The following FBXW7 variants were observed in gnomAD, a reference collection of about 807,000 sequenced individuals.
The protein encoded by FBXW7 is F-box/WD repeat-containing protein 7.
In FBXW7, 11 loss-of-function variants were observed where a neutral mutation model predicts 86.3. That is an observed-to-expected ratio of 0.13 (90% CI 0.08 to 0.21). The LOEUF is 0.21. Ranked by LOEUF, FBXW7 falls within the 10% of genes least tolerant of loss-of-function variation. The pLI is 1.00. For synonymous variants in FBXW7, 313 were observed against 297.9 expected, an observed-to-expected ratio of 1.05 and a Z score of -0.52; for missense variants, 488 against 847.4, an observed-to-expected ratio of 0.58 and a Z score of 5.27.
At chr4:152,372,611 A>C (rs1278257903) in intron 4 of FBXW7, among the ~76,000 whole-genome samples, 1 of 151,900 alleles carries the variant, frequency 6.6e-6, no homozygotes, top group Non-Finnish European at 1.5e-5. Context: ...GGGACTGTGG[A>C]CTTATTTCAC....
intron 2 of FBXW7, among the ~76,000 whole-genome samples, chr4:152,438,958 CATTTGGGCGATG>C (rs1235583802): frequency 5.9e-5 from 9 of 152,206 alleles, no homozygotes; most frequent in Non-Finnish European, 1.3e-4. Context: ...ATTCATTCAT[CATTTGGGCGATG>C]AGGTCAGTAT....
intron 2 of FBXW7, among the ~76,000 whole-genome samples, chr4:152,511,108 G>A (rs930841319): frequency 1.3e-5 from 2 of 151,008 alleles, no homozygotes; most frequent in African/African-American, 4.9e-5. Context: ...AAACTCCTGG[G>A]CCCAAGCCAT....
intron 4 of FBXW7, among the ~76,000 whole-genome samples, chr4:152,393,159 T>C (rs1259005757): frequency 1.3e-5 from 2 of 152,132 alleles, no homozygotes; most frequent in African/African-American, 4.8e-5. Context: ...TGTTCCATAT[T>C]TTCAAAAGAA....
At chr4:152,448,187 G>A (rs573459734) in intron 2 of FBXW7, among the ~76,000 whole-genome samples, 32 of 152,290 alleles carry the variant, frequency 2.1e-4, no homozygotes, top group Middle Eastern at 3.4e-3. Flanking sequence ...ATCCATTAGA[G>A]TGCTCCACAG....
intron 2 of FBXW7, among the ~76,000 whole-genome samples, chr4:152,501,636 T>C (rs1403094153): frequency 6.6e-6 from 1 of 152,198 alleles, no homozygotes; most frequent in Non-Finnish European, 1.5e-5. Context: ...TGAAAATCTT[T>C]CCACAATCCA....
At chr4:152,343,404 C>T (rs1470195859) in intron 6 of FBXW7, among the ~76,000 whole-genome samples, 1 of 152,026 alleles carries the variant, frequency 6.6e-6, no homozygotes, top group Non-Finnish European at 1.5e-5. Flanking sequence ...ATTGAGTCTC[C>T]AATATATTTC....
At chr4:152,501,799 AAC>A (rs1023954164) in intron 2 of FBXW7, among the ~76,000 whole-genome samples, 1 of 152,164 alleles carries the variant, frequency 6.6e-6, no homozygotes, top group Non-Finnish European at 1.5e-5. Context: ...CAAATGATGA[AAC>A]AGTCTTTAGA....
chr4:152,353,703 T>G (rs1026928610), intron 4 of FBXW7, among the ~76,000 whole-genome samples: 2 of 152,214 alleles, frequency 1.3e-5, no homozygotes, highest in Non-Finnish European at 2.9e-5. Context: ...TAAAAAGGCA[T>G]TTTACATAAT....
At chr4:152,358,511 TAAA>T (rs75134488) in intron 4 of FBXW7, among the ~76,000 whole-genome samples, 2 of 120,964 alleles carry the variant, frequency 1.7e-5, no homozygotes, top group African/African-American at 3.1e-5. Flanking sequence ...AGCTAAAGAC[TAAA>T]AAAAAAAAAA....
intron 4 of FBXW7, among the ~76,000 whole-genome samples, chr4:152,381,473 C>G (rs1735068365): frequency 6.6e-6 from 1 of 152,004 alleles, no homozygotes; most frequent in Non-Finnish European, 1.5e-5. Flanking sequence ...ATATATCACT[C>G]TAATAAATAA....
At chr4:152,426,951 A>G (rs1739446120) in intron 2 of FBXW7, among the ~76,000 whole-genome samples, 1 of 152,230 alleles carries the variant, frequency 6.6e-6, no homozygotes, top group Admixed American at 6.5e-5. Context: ...TACAACGGGG[A>G]GCTCTGTAAA....
rs940644156 is a variant in FBXW7, at chr4:152,382,331, G to T, written c.501+28972C>A. 3 of 1,569,090 alleles carry T rather than the reference G, an allele frequency of 1.9e-6. No homozygotes were observed. The African/African-American group carries it at 4.1e-5, about 21-fold the overall frequency. The stretch of plus-strand genomic sequence containing the variant: ...GTTTAGAGTAGGTTTTCCCGGTTTT[G>T]ACATTTTAAAACTCCTCTTGGTTGA... On this transcript the variant is annotated intron_variant, in intron 4 of 13. Coordinates refer to ENST00000281708, the MANE Select transcript of FBXW7 (RefSeq NM_001349798.2).
intron 4 of FBXW7, among the ~76,000 whole-genome samples, chr4:152,366,781 T>C (rs761098731): frequency 6.6e-6 from 1 of 152,210 alleles, no homozygotes; most frequent in East Asian, 1.9e-4. Context: ...ACTGGGTATA[T>C]ACCCAAAGGA....
chr4:152,519,575 A>G (rs1213139357), intron 2 of FBXW7, among the ~76,000 whole-genome samples: 13 of 152,220 alleles, frequency 8.5e-5, no homozygotes, highest in Admixed American at 7.2e-4. Context: ...TACTGCTAAC[A>G]TATCTGGGAC....
intron 2 of FBXW7, among the ~76,000 whole-genome samples, chr4:152,516,286 G>C (rs921431758): frequency 6.6e-6 from 1 of 152,228 alleles, no homozygotes; most frequent in Admixed American, 6.5e-5. Flanking sequence ...GCTGCAGGTG[G>C]AGTATTATCG....
chr4:152,360,548 GTTC>G (rs1035316125), intron 4 of FBXW7, among the ~76,000 whole-genome samples: 1 of 151,922 alleles, frequency 6.6e-6, no homozygotes, highest in African/African-American at 2.4e-5. Flanking sequence ...TTTTCATCTT[GTTC>G]TACCCCAGCC....
At chr4:152,401,478 T>C (rs1056505832) in intron 4 of FBXW7, among the ~76,000 whole-genome samples, 2 of 152,180 alleles carry the variant, frequency 1.3e-5, no homozygotes, top group Admixed American at 6.5e-5. Context: ...TATGACATTC[T>C]GGAAAAAGCA....
intron 4 of FBXW7, among the ~76,000 whole-genome samples, chr4:152,402,380 T>C (rs1351151690): frequency 2.0e-5 from 3 of 152,164 alleles, no homozygotes; most frequent in Non-Finnish European, 1.5e-5. Context: ...AAAAACAAAC[T>C]TAATACGATG....
At position 152,321,466 on chromosome 4, in the gene FBXW7, G is replaced by GT; in HGVS notation, c.*1414_*1415insA. 1 of 233,000 alleles carries GT rather than the reference G, an allele frequency of 4.3e-6. No homozygotes were observed. The highest frequency in any genetic ancestry group is 8.5e-6 in the Non-Finnish European group (1 of 117,648). The allele number at this position is 233,000 out of a possible 1,614,324, so 14.4% of individuals were successfully genotyped here. On this transcript the variant is annotated 3_prime_UTR_variant, in exon 14 of 14. Transcript: ENST00000281708. ...AAAAATAAACAGAAGGAGGAAAAAA[G>GT]ATCGCCTAGGATACAGTGTTAAACC...
Sources: allele counts gnomAD v4.1 joint callset (sites outside exome capture counted in the v4.1 genomes callset), GRCh38; gene constraint gnomAD v4.1.1; transcripts MANE v1.5; gene names NCBI Gene and HGNC (gene_info 2026-07-23, HGNC 2026-07-21).